The following PPP1R37 variants were observed in gnomAD, a reference collection of about 807,000 sequenced individuals.
The protein encoded by PPP1R37 is leucine rich repeat containing 68.
A neutral mutation model predicts 61.0 loss-of-function variants in PPP1R37; 21 were observed. The observed-to-expected ratio is 0.34, with a 90% confidence interval of 0.24 to 0.50. The LOEUF (loss-of-function observed/expected upper bound fraction) is 0.50. Among genes scored for constraint, PPP1R37 ranks in the 20% least tolerant of loss-of-function variants. The pLI is 0.98. For missense variants in PPP1R37, 910 were observed against 952.7 expected (o/e 0.96, Z 0.59); for synonymous variants, 443 against 433.5 (o/e 1.02, Z -0.27).
intron 1 of PPP1R37, among the ~76,000 whole-genome samples, chr19:45,103,765 A>G (rs961250753): frequency 6.6e-6 from 1 of 152,128 alleles, no homozygotes; most frequent in Non-Finnish European, 1.5e-5. Flanking sequence ...AGCGCTTAAC[A>G]GGGCTAAGCT....
At chr19:45,124,179 G>GGACAGGGC in intron 1 of PPP1R37, among the ~76,000 whole-genome samples, 1 of 152,236 alleles carries the variant, frequency 6.6e-6, no homozygotes, top group South Asian at 2.1e-4. Flanking sequence ...AGCCCAGAGG[G>GGACAGGGC]TGGGGCCTGA....
Position 45,143,544 on chromosome 19 carries a change from C to G in PPP1R37, c.898C>G (p.Leu300Val), listed in dbSNP as rs541033175. Reference protein sequence around the residue: ...DSGLAYICEGLKEQRKGLVTL... With the variant: ...DSGLAYICEGVKEQRKGLVTL... Reference sequence around the variant, plus strand: ...AGGTCTGGCCTACATCTGCGAGGGCCTCAAGGAGCAGAGGAAGGGGCTGGT... The same window carrying G: ...AGGTCTGGCCTACATCTGCGAGGGCGTCAAGGAGCAGAGGAAGGGGCTGGT... Residue 300 changes from leucine (L) to valine (V), a missense_variant, in exon 8 of 13, where the codon CTC (leucine) becomes GTC (valine). Physicochemically the swap from Leu to Val is conservative, Grantham distance 32. Around this residue, in one of 3 missense-constraint regions of PPP1R37, gnomAD observed 280 missense variants for 382.2 expected, o/e 0.73. Coordinates refer to ENST00000221462, the MANE Select transcript of PPP1R37 (RefSeq NM_019121.2). The G allele has an allele frequency of 3.9e-6, 6 of 1,535,516 alleles. No individual in the cohort carries two copies. The South Asian group carries it at 5.9e-5, about 15-fold the overall frequency.
chr19:45,100,342 G>C (rs1968046807), intron 1 of PPP1R37: 1 of 152,214 alleles, frequency 6.6e-6, no homozygotes, highest in Non-Finnish European at 1.5e-5. Flanking sequence ...GTAGGGCATG[G>C]GGGCAGGTGG....
chr19:45,134,112 T>A (rs1196474048), intron 1 of PPP1R37, among the ~76,000 whole-genome samples: 1 of 152,220 alleles, frequency 6.6e-6, no homozygotes, highest in Non-Finnish European at 1.5e-5. Flanking sequence ...CTGCTCTCCC[T>A]GCAACTTTGG....
chr19:45,102,836 C>T (rs942768545), intron 1 of PPP1R37, among the ~76,000 whole-genome samples: 1 of 152,200 alleles, frequency 6.6e-6, no homozygotes, highest in Non-Finnish European at 1.5e-5. Context: ...GAGCTGATGC[C>T]GCTCCTGTTA....
At chr19:45,139,981 G>A (rs1238231940) in intron 2 of PPP1R37, among the ~76,000 whole-genome samples, 1 of 152,270 alleles carries the variant, frequency 6.6e-6, no homozygotes, top group Non-Finnish European at 1.5e-5. Flanking sequence ...TCCCGCTGGG[G>A]CAGAGGGCTT....
chr19:45,146,026 G>A lies in PPP1R37; in HGVS notation c.1970G>A (p.Gly657Glu), dbSNP rs1484711808. Reference protein sequence around the residue: ...PEPPPGPEVKGGSCGLEHELS... With the variant: ...PEPPPGPEVKEGSCGLEHELS... ...CCGCCCCCGGGGCCTGAGGTCAAGG[G>A]GGGCAGCTGCGGCCTGGAGCACGGT... is the stretch of plus-strand genomic sequence containing the variant. Residue 657 changes from glycine (G) to glutamate (E), a missense_variant, in exon 11 of 13, where the codon GGG becomes GAG. Transcript: ENST00000221462. 6.5e-7 allele frequency: 1 copy of A among 1,531,766 alleles called. No individual in the cohort carries two copies. The highest frequency in any genetic ancestry group is 1.2e-5 in the South Asian group (1 of 83,716). 94.9% of individuals were successfully genotyped at this position (1,531,766 alleles called of 1,614,324 possible). A position where few individuals can be genotyped will look rare whatever the true frequency, so the allele number is the denominator to read the frequency against.
rs1290609200 is a variant in PPP1R37 at position 45,145,514 on chromosome 19, C to T, written c.1458C>T (p.Asp486=). The change falls in exon 11 of 13, where the codon GAC becomes GAT. Residue 486 remains aspartate (D), a synonymous_variant. Transcript: ENST00000221462. ...ETTATEPQPD[D]EPAAGVQNGA... The stretch of plus-strand genomic sequence containing the variant: ...CCGCCACCGAGCCCCAGCCCGACGA[C>T]GAGCCCGCCGCTGGGGTGCAGAACG... 10 of 1,533,862 alleles carry T rather than the reference C, an allele frequency of 6.5e-6. No individual in the cohort carries two copies. The highest frequency in any genetic ancestry group is 6.1e-6 in the Non-Finnish European group (7 of 1,145,966).
intron 1 of PPP1R37, among the ~76,000 whole-genome samples, chr19:45,133,169 C>T (rs1374491565): frequency 6.6e-6 from 1 of 151,974 alleles, no homozygotes; most frequent in Non-Finnish European, 1.5e-5. Context: ...CCTCCACCTC[C>T]ACCTCCCGGG....
chr19:45,135,663 A>G (rs981667420), intron 1 of PPP1R37, among the ~76,000 whole-genome samples: 1 of 151,720 alleles, frequency 6.6e-6, no homozygotes, highest in African/African-American at 2.4e-5. Context: ...TGCTTCACAG[A>G]GTCGATGCGT....
Position 45,131,272 on chromosome 19 carries a change from AG to A in PPP1R37, c.203-7241del, listed in dbSNP as rs1217462151. On this transcript the variant is annotated intron_variant, in intron 1 of 12. Transcript: ENST00000221462. ...AGCGGCAGAGCCCCATCCCTGCAGC[AG>A]CAAGGCCCTGCCCGCCAGCTGCTGC... 2.0e-5 allele frequency among the ~76,000 whole-genome samples: 3 copies of A among 152,152 alleles called. No individual in the cohort carries two copies. In the South Asian group the frequency reaches 6.2e-4, roughly 31 times the overall value.
rs1429281354 is a variant in PPP1R37, at chr19:45,145,724, G to A, written c.1668G>A (p.Arg556=). The A allele has an allele frequency of 6.5e-7, 1 of 1,533,802 alleles. No homozygotes were observed. Among genetic ancestry groups the A allele is most frequent in the Non-Finnish European group, 8.7e-7 (1 of 1,145,860 alleles). ...GCCCCTCCACACCCACCGAGCAGCGGATTTCCGTGTCCAGCCCGGGCCGGG... is the reference window on the plus strand; with the variant it reads ...GCCCCTCCACACCCACCGAGCAGCGAATTTCCGTGTCCAGCCCGGGCCGGG... ...PGSPSTPTEQ[R]ISVSSPGRGH... The change falls in exon 11 of 13, where the codon CGG becomes CGA. Residue 556 remains arginine (R), a synonymous_variant. Coordinates refer to ENST00000221462, the MANE Select transcript of PPP1R37 (RefSeq NM_019121.2).
chr19:45,121,005 C>T lies in PPP1R37; in HGVS notation c.203-17509C>T, dbSNP rs1968335944. The stretch of plus-strand genomic sequence containing the variant: ...AGGTCCTTTCTCATCTCTAAGCGTC[C>T]CCTGGAAAGTTGGGGAGATAATTTC... On this transcript the variant is annotated intron_variant, in intron 1 of 12. Transcript: ENST00000221462. This position sits in a 1 kb window ranked among gnomAD's most constrained non-coding sequence, Gnocchi z 4.2. Among the ~76,000 whole-genome samples the T allele has an allele frequency of 6.6e-6, 1 of 152,178 alleles. No homozygotes were observed. The highest frequency in any genetic ancestry group is 2.1e-4 in the South Asian group (1 of 4,834).
Position 45,144,859 on chromosome 19 carries a change from C to G in PPP1R37, c.993C>G (p.His331Gln). 2 of 1,531,280 alleles carry G rather than the reference C, an allele frequency of 1.3e-6. No individual in the cohort carries two copies. Among genetic ancestry groups the G allele is most frequent in the Non-Finnish European group, 1.7e-6 (2 of 1,144,066 alleles). The allele number at this position is 1,531,280 out of a possible 1,614,324, so 94.9% of individuals were successfully genotyped here. The change falls in exon 9 of 13, where the codon CAC (histidine) becomes CAG (glutamine). Residue 331 changes from histidine to glutamine, a missense_variant. By Grantham distance (24) the His-to-Gln change is conservative. Coordinates refer to ENST00000221462, the MANE Select transcript of PPP1R37 (RefSeq NM_019121.2). The part of the protein sequence containing the change: ...GMAFLGMTLP[H>Q]TQSLETLNLG... ...CTCACACCCCCTCCCTCCAGCCGCA[C>G]ACTCAGAGCCTGGAGACGCTGAACC...
Position 45,145,485 on chromosome 19 carries a change from A to G in PPP1R37, c.1429A>G (p.Thr477Ala). The G allele has an allele frequency of 1.3e-6, 2 of 1,534,370 alleles. No homozygotes were observed. The highest frequency in any genetic ancestry group is 1.7e-6 in the Non-Finnish European group (2 of 1,146,346). The change falls in exon 11 of 13, where the codon ACC becomes GCC. Residue 477 changes from threonine to alanine, a missense_variant. Physicochemically the swap from Thr to Ala is moderately conservative, Grantham distance 58. Around this residue, in one of 3 missense-constraint regions of PPP1R37, gnomAD observed 549 missense variants for 505.1 expected, o/e 1.09. Coordinates refer to ENST00000221462, the MANE Select transcript of PPP1R37 (RefSeq NM_019121.2). Reference sequence around the variant, plus strand: ...ACAGCTGTCGGCCTCCATGCCTGAGACCACCGCCACCGAGCCCCAGCCCGA... The same window carrying G: ...ACAGCTGTCGGCCTCCATGCCTGAGGCCACCGCCACCGAGCCCCAGCCCGA... ...PPQLSASMPETTATEPQPDDE... is the reference protein window; with the variant it reads ...PPQLSASMPEATATEPQPDDE...
At chr19:45,110,266 C>G (rs1968184435) in intron 1 of PPP1R37, among the ~76,000 whole-genome samples, 2 of 151,884 alleles carry the variant, frequency 1.3e-5, no homozygotes, top group African/African-American at 4.8e-5. Flanking sequence ...CAGGCACGTA[C>G]CACTACACCT....
chr19:45,111,527 C>G (rs564675112), intron 1 of PPP1R37, among the ~76,000 whole-genome samples: 1 of 152,204 alleles, frequency 6.6e-6, no homozygotes, highest in South Asian at 2.1e-4. Flanking sequence ...CCGCCTGCCT[C>G]GATCTCCCAA....
chr19:45,128,668 A>G (rs534101472), intron 1 of PPP1R37: 13 of 1,227,756 alleles, frequency 1.1e-5, no homozygotes, highest in East Asian at 2.7e-5. Flanking sequence ...GTGGTGCTCA[A>G]AGGCTGGCCC....
At chr19:45,104,470 G>C (rs1257534721) in intron 1 of PPP1R37, among the ~76,000 whole-genome samples, 2 of 152,172 alleles carry the variant, frequency 1.3e-5, no homozygotes, top group Non-Finnish European at 2.9e-5. Context: ...GGAAGATTTC[G>C]TTCACTGAGT....
Sources: gnomAD v4.1 joint callset for allele counts (sites outside exome capture counted in the v4.1 genomes callset) on GRCh38, gnomAD v4.1.1 for gene constraint, gnomAD v4.1.1 regional missense constraint, Gnocchi (gnomAD v3.1) non-coding constraint, MANE v1.5 for transcripts, NCBI Gene and HGNC (gene_info 2026-07-23, HGNC 2026-07-21) for gene names.